Variants in C1orf226 observed in about 807,000 individuals in gnomAD.
C1orf226 encodes chromosome 1 open reading frame 226.
C1orf226 carries 4 observed loss-of-function variants against 10.5 expected under a neutral mutation model. The ratio of observed to expected loss-of-function variants is 0.38; its 90% CI spans 0.19 to 0.87. The LOEUF (loss-of-function observed/expected upper bound fraction) is 0.87, where lower values mean the gene tolerates loss of function less well. Ranked by LOEUF, C1orf226 falls within the 40% of genes least tolerant of loss-of-function variation. The probability of loss-of-function intolerance (pLI) is 0.41; values close to 1 mark genes in which losing one functional copy is unlikely to be tolerated. For missense variants in C1orf226, 313 were observed against 336.2 expected (o/e 0.93, Z 0.54); for synonymous variants, 125 against 139.3 (o/e 0.90, Z 0.72).
rs1221270713 is a variant in C1orf226, at chr1:162,381,949, C to A, written c.48C>A (p.Ser16Arg). 6.2e-7 allele frequency: 1 copy of A among 1,612,940 alleles called. No homozygotes were observed. Among genetic ancestry groups the A allele is most frequent in the South Asian group, 1.1e-5 (1 of 91,080 alleles). ...NTALTPKLQA[S>R]RSFPHLSKPV... is the part of the protein sequence containing the mutation. Reference sequence around the variant, plus strand: ...CCCTCACTCCAAAGCTCCAGGCCAGCCGCTCCTTCCCCCACTTGTCCAAGC... The same window carrying A: ...CCCTCACTCCAAAGCTCCAGGCCAGACGCTCCTTCCCCCACTTGTCCAAGC... Residue 16 changes from serine to arginine, a missense_variant, in exon 1 of 2, where the codon AGC becomes AGA. By Grantham distance (110) the Ser-to-Arg change is moderately radical. Coordinates refer to ENST00000458626, the MANE Select transcript of C1orf226 (RefSeq NM_001085375.2).
chr1:162,381,822 C>T lies in C1orf226; in HGVS notation c.-80C>T. 1 of 1,556,946 alleles carries T rather than the reference C, an allele frequency of 6.4e-7. No individual in the cohort carries two copies. The highest frequency in any genetic ancestry group is 8.6e-7 in the Non-Finnish European group (1 of 1,159,612). ...GTTTTGGGTGTGGGATAAGGAAAAA[C>T]TGAATGATAGAGCACAGGTACCGCT... On this transcript the variant is annotated 5_prime_UTR_variant, in exon 1 of 2. Transcript: ENST00000458626.
chr1:162,382,927 C>T (rs781350648), intron 1 of C1orf226, among the ~76,000 whole-genome samples: 11 of 152,266 alleles, frequency 7.2e-5, no homozygotes, highest in Non-Finnish European at 1.5e-4. Context: ...CACCAGCGGT[C>T]TCTATCCTGT....
intron 1 of C1orf226, 116 bp from the exon 2 acceptor site, chr1:162,383,066 C>A: frequency 1.1e-6 from 1 of 949,928 alleles, no homozygotes; most frequent in East Asian, 2.4e-5. Context: ...AGGAGTAGAG[C>A]AGTTATTGGG....
rs777620154 is a variant in C1orf226 at position 162,382,149 on chromosome 1, A to T, written c.248A>T (p.Asn83Ile). 6.3e-7 allele frequency: 1 copy of T among 1,589,928 alleles called. No individual in the cohort carries two copies. Among genetic ancestry groups the T allele is most frequent in the Non-Finnish European group, 8.6e-7 (1 of 1,168,204 alleles). Reference sequence around the variant, plus strand: ...GGCAGTGTGGGTGTGACAGAGATCAACAAGACTGCAGGAGCACAGCTGGCC... The same window carrying T: ...GGCAGTGTGGGTGTGACAGAGATCATCAAGACTGCAGGAGCACAGCTGGCC... ...SLGSVGVTEI[N>I]KTAGAQLASG... The change falls in exon 1 of 2, where the codon AAC (asparagine) becomes ATC (isoleucine). Residue 83 changes from asparagine to isoleucine, a missense_variant. Asn to Ile is a moderately radical substitution (Grantham distance 149). Coordinates refer to ENST00000458626, the MANE Select transcript of C1orf226 (RefSeq NM_001085375.2).
chr1:162,381,729 C>T lies in C1orf226; in HGVS notation c.-173C>T. ...AGTTCCTGTCCCATCAAGAAAACTACACTGGAAAGTTCAAGAGTGTCTTTG... is the reference window on the plus strand; with the variant it reads ...AGTTCCTGTCCCATCAAGAAAACTATACTGGAAAGTTCAAGAGTGTCTTTG... On this transcript the variant is annotated 5_prime_UTR_variant, in exon 1 of 2. Transcript: ENST00000458626. 1 of 1,439,776 alleles carries T rather than the reference C, an allele frequency of 6.9e-7. No homozygotes were observed. Among genetic ancestry groups the T allele is most frequent in the Non-Finnish European group, 9.1e-7 (1 of 1,101,118 alleles). 89.2% of individuals were successfully genotyped at this position (1,439,776 alleles called of 1,614,324 possible).
At chr1:162,380,481 A>G (rs748000285), upstream of C1orf226, among the ~76,000 whole-genome samples, 1 of 152,256 alleles carries the variant, frequency 6.6e-6, no homozygotes, top group Non-Finnish European at 1.5e-5. Flanking sequence ...AAAATTCAGC[A>G]GAAGAAAAAG....
At position 162,385,416 on chromosome 1, in the gene C1orf226, C is replaced by G. The variant is rs371168828; in HGVS notation, c.*1733C>G. ...TGTGGCCTTGCCATGGCCCTCCCACCACTTTCCCTTCTACCTTGCCTTCCA... is the reference window on the plus strand; with the variant it reads ...TGTGGCCTTGCCATGGCCCTCCCACGACTTTCCCTTCTACCTTGCCTTCCA... On this transcript the variant is annotated 3_prime_UTR_variant, in exon 2 of 2. Coordinates refer to ENST00000458626, the MANE Select transcript of C1orf226 (RefSeq NM_001085375.2). The G allele has an allele frequency of 3.3e-5, 5 of 152,464 alleles. No individual in the cohort carries two copies. In the East Asian group the frequency reaches 7.7e-4, roughly 24 times the overall value. The allele number at this position is 152,464 out of a possible 1,614,324, so 9.4% of individuals were successfully genotyped here. A position where few individuals can be genotyped will look rare whatever the true frequency, so the allele number is the denominator to read the frequency against.
chr1:162,381,264 C>T, upstream of C1orf226, among the ~76,000 whole-genome samples: 1 of 152,196 alleles, frequency 6.6e-6, no homozygotes. Context: ...TCATTGGGAT[C>T]CTCGTGCTTC....
chr1:162,379,179 C>G, upstream of C1orf226: 1 of 599,926 alleles, frequency 1.7e-6, no homozygotes, highest in Admixed American at 2.6e-5. Context: ...ATTTTCTGAA[C>G]CATCAAGCCT....
chr1:162,380,058 G>T (rs1647858621), upstream of C1orf226, among the ~76,000 whole-genome samples: 1 of 152,200 alleles, frequency 6.6e-6, no homozygotes, highest in South Asian at 2.1e-4. Flanking sequence ...AAAATAAGAA[G>T]GATGTGGGAC....
In C1orf226 at chr1:162,385,241, T is replaced by G. The variant is rs912896340; in HGVS notation, c.*1558T>G. ...CATAAGCTCTGGGATACCCAGGGCTTGCTTCCCAGCTCTTCTCATCTCCAA... is the reference window on the plus strand; with the variant it reads ...CATAAGCTCTGGGATACCCAGGGCTGGCTTCCCAGCTCTTCTCATCTCCAA... On this transcript the variant is annotated 3_prime_UTR_variant, in exon 2 of 2. Coordinates refer to ENST00000458626, the MANE Select transcript of C1orf226 (RefSeq NM_001085375.2). The G allele has an allele frequency of 5.9e-5, 9 of 152,386 alleles. No homozygotes were observed. Among genetic ancestry groups the G allele is most frequent in the African/African-American group, 1.9e-4 (8 of 41,446 alleles). 9.4% of individuals were successfully genotyped at this position (152,386 alleles called of 1,614,324 possible).
chr1:162,379,338 T>G (rs1268170236), upstream of C1orf226, among the ~76,000 whole-genome samples: 1 of 152,054 alleles, frequency 6.6e-6, no homozygotes, highest in East Asian at 1.9e-4. Flanking sequence ...GTTATCCGGG[T>G]CTGACCTCAA....
At chr1:162,382,918 A>T (rs1233608328) in intron 1 of C1orf226, among the ~76,000 whole-genome samples, 1 of 152,184 alleles carries the variant, frequency 6.6e-6, no homozygotes, top group African/African-American at 2.4e-5. Context: ...GACAAGCTTC[A>T]CCAGCGGTCT....
upstream of C1orf226, among the ~76,000 whole-genome samples, chr1:162,380,874 G>T (rs1163386113): frequency 6.6e-6 from 1 of 152,218 alleles, no homozygotes; most frequent in Non-Finnish European, 1.5e-5. Context: ...GCACAGCTAG[G>T]TACCAAACCC....
rs1405663687 is a variant in C1orf226, at chr1:162,386,401, A to G, written c.*2718A>G. On this transcript the variant is annotated 3_prime_UTR_variant, in exon 2 of 2. Transcript: ENST00000458626. ...GCTTGGCCTTCAGTTAGCCCAGTCC[A>G]TGAGAGGGCAGGGTAATGAGGAGGA... The G allele has an allele frequency of 6.6e-6, 1 of 152,274 alleles. No homozygotes were observed. Among genetic ancestry groups the G allele is most frequent in the Admixed American group, 6.5e-5 (1 of 15,280 alleles). 9.4% of individuals were successfully genotyped at this position (152,274 alleles called of 1,614,324 possible).
chr1:162,379,248 G>A (rs1388947329), upstream of C1orf226, among the ~76,000 whole-genome samples: 2 of 151,866 alleles, frequency 1.3e-5, no homozygotes, highest in African/African-American at 2.4e-5. Flanking sequence ...ATCAAGAAAG[G>A]GACCCATTGC....
chr1:162,382,537 G>C (rs1647953182), intron 1 of C1orf226, among the ~76,000 whole-genome samples: 1 of 143,288 alleles, frequency 7.0e-6, no homozygotes, highest in South Asian at 2.3e-4. Context: ...AGCCCTGGGA[G>C]GTAGATGATA....
intron 1 of C1orf226, 141 bp downstream of exon 1, chr1:162,382,359 C>G: frequency 1.8e-6 from 2 of 1,088,382 alleles, no homozygotes; most frequent in East Asian, 2.8e-5. Flanking sequence ...GCTGCAGGAT[C>G]AGGCCACGTT....
Position 162,381,854 on chromosome 1 carries a change from T to C in C1orf226, c.-48T>C, listed in dbSNP as rs773760901. 2.2e-4 allele frequency: 347 copies of C among 1,604,072 alleles called. No homozygotes were observed. Among genetic ancestry groups the C allele is most frequent in the Non-Finnish European group, 2.8e-4 (325 of 1,177,540 alleles). ...ATAGAGCACAGGTACCGCTCCCCTT[T>C]CCTCATCATGCCTCTCTGTCGCCTC... On this transcript the variant is annotated 5_prime_UTR_variant, in exon 1 of 2. Transcript: ENST00000458626.
Sources: allele counts gnomAD v4.1 joint callset (sites outside exome capture counted in the v4.1 genomes callset), GRCh38; gene constraint gnomAD v4.1.1; transcripts MANE v1.5; gene names NCBI Gene and HGNC (gene_info 2026-07-23, HGNC 2026-07-21).